The following VPS13D variants were observed in gnomAD, a reference collection of about 807,000 sequenced individuals.
The protein encoded by VPS13D is intermembrane lipid transfer protein VPS13D.
In VPS13D, 187 loss-of-function variants were observed where a neutral mutation model predicts 461.9. That is an observed-to-expected ratio of 0.40 (90% confidence interval 0.36 to 0.46). The LOEUF (loss-of-function observed/expected upper bound fraction) is 0.46, where lower values mean the gene tolerates loss of function less well. Among genes scored for constraint, VPS13D ranks in the 20% least tolerant of loss-of-function variants. The pLI is 0.60. For synonymous variants in VPS13D, 1,951 were observed against 1,986.3 expected (o/e 0.98, Z 0.47); for missense variants, 4,711 against 5,364.9 (o/e 0.88, Z 3.81).
intron 67 of VPS13D, among the ~76,000 whole-genome samples, chr1:12,481,131 G>A (rs1645710136): frequency 6.6e-6 from 1 of 152,206 alleles, no homozygotes; most frequent in South Asian, 2.1e-4. Context: ...AAGCATGACA[G>A]GAAGTGGTGC....
intron 67 of VPS13D, among the ~76,000 whole-genome samples, chr1:12,490,683 A>G (rs1009689295): frequency 6.6e-6 from 1 of 151,650 alleles, no homozygotes; most frequent in Non-Finnish European, 1.5e-5. Flanking sequence ...GGTGGGAGCT[A>G]CAGGTCTGAG....
intron 67 of VPS13D, among the ~76,000 whole-genome samples, chr1:12,493,193 A>AG: frequency 6.6e-6 from 1 of 151,814 alleles, no homozygotes; most frequent in East Asian, 1.9e-4. Context: ...TAAAAAAAAA[A>AG]AAAAAAAAGG....
chr1:12,484,828 G>A lies in VPS13D; in HGVS notation c.12663-12672G>A, dbSNP rs192929466. ...TTACATGCTCCTTTTTGTTGAATCC[G>A]AATCTTTTTTTTTTTCTAATATGGA... On this transcript the variant is annotated intron_variant, in intron 67 of 69. Coordinates refer to ENST00000620676, the MANE Select transcript of VPS13D (RefSeq NM_015378.4). 1.7e-3 allele frequency among the ~76,000 whole-genome samples: 260 copies of A among 152,182 alleles called. 4 individuals carry two copies. The highest frequency in any genetic ancestry group is 6.0e-3 in the African/African-American group (250 of 41,526).
chr1:12,396,889 G>T (rs2101675057), intron 60 of VPS13D, among the ~76,000 whole-genome samples: 1 of 152,214 alleles, frequency 6.6e-6, no homozygotes, highest in Admixed American at 6.5e-5. Flanking sequence ...CTGTTCATTA[G>T]TTTCCTTAAC....
chr1:12,457,092 C>G (rs1645340073), intron 66 of VPS13D, among the ~76,000 whole-genome samples: 1 of 152,200 alleles, frequency 6.6e-6, no homozygotes, highest in Non-Finnish European at 1.5e-5. Context: ...TCTTTTAATG[C>G]TTTAATTCTG....
chr1:12,479,342 C>T (rs1031277726), intron 67 of VPS13D, among the ~76,000 whole-genome samples: 12 of 152,206 alleles, frequency 7.9e-5, no homozygotes, highest in African/African-American at 2.9e-4. Context: ...TGTGCTTTGT[C>T]CATGGTGTCC....
chr1:12,454,868 GT>G (rs1645305608), intron 65 of VPS13D, among the ~76,000 whole-genome samples: 1 of 152,156 alleles, frequency 6.6e-6, no homozygotes, highest in Non-Finnish European at 1.5e-5. Flanking sequence ...TAAACCACTT[GT>G]TTTGGTAGAT....
chr1:12,370,915 G>T (rs914510058), intron 54 of VPS13D, among the ~76,000 whole-genome samples: 2 of 152,182 alleles, frequency 1.3e-5, no homozygotes, highest in African/African-American at 2.4e-5. Flanking sequence ...TGGAATCTTG[G>T]TGTGCAGAAT....
chr1:12,249,347 T>A lies in VPS13D; in HGVS notation c.564+8T>A, dbSNP rs775596233. The stretch of plus-strand genomic sequence containing the variant: ...AATGCTGTGAATGAGCCTGTGAGTA[T>A]GAAATGTGATGACAAAGCAGGAAGA... On this transcript the variant is annotated splice_region_variant and intron_variant, in intron 6 of 69. Coordinates refer to ENST00000620676, the MANE Select transcript of VPS13D (RefSeq NM_015378.4). 47 of 1,598,802 alleles carry A rather than the reference T, an allele frequency of 2.9e-5. No homozygotes were observed. In the Middle Eastern group the frequency reaches 6.6e-4, roughly 22 times the overall value.
chr1:12,393,428 G>A (rs1057244324), intron 60 of VPS13D, among the ~76,000 whole-genome samples: 35 of 152,226 alleles, frequency 2.3e-4, no homozygotes, highest in African/African-American at 8.4e-4. Context: ...AAAGGCATTT[G>A]CCAAGTCAGT....
intron 24 of VPS13D, among the ~76,000 whole-genome samples, chr1:12,296,977 G>T (rs1642297272): frequency 6.6e-6 from 1 of 152,172 alleles, no homozygotes; most frequent in South Asian, 2.1e-4. Flanking sequence ...CAAGTAGGAG[G>T]TTAAAGGAAT....
At chr1:12,406,445 A>G (rs1342610165) in intron 63 of VPS13D, among the ~76,000 whole-genome samples, 1 of 152,164 alleles carries the variant, frequency 6.6e-6, no homozygotes, top group East Asian at 1.9e-4. Flanking sequence ...TTTGGTATTG[A>G]AGGAATAATT....
In VPS13D at chr1:12,440,827, G is replaced by A. The variant is rs1315538382; in HGVS notation, c.12334-15171G>A. Among the ~76,000 whole-genome samples, 5 of 149,118 alleles carry A rather than the reference G, an allele frequency of 3.4e-5. No homozygotes were observed. In the East Asian group the frequency reaches 9.6e-4, roughly 29 times the overall value. ...GGAGGCAGAGGTTGCAGTGAGCTGAGATCGTGCCACTGCACTCCAGCCTGG... is the reference window on the plus strand; with the variant it reads ...GGAGGCAGAGGTTGCAGTGAGCTGAAATCGTGCCACTGCACTCCAGCCTGG... On this transcript the variant is annotated intron_variant, in intron 65 of 69. Coordinates refer to ENST00000620676, the MANE Select transcript of VPS13D (RefSeq NM_015378.4).
chr1:12,461,037 A>C (rs2100417796), intron 67 of VPS13D, among the ~76,000 whole-genome samples: 1 of 152,280 alleles, frequency 6.6e-6, no homozygotes, highest in Admixed American at 6.5e-5. Context: ...TATGGTTCCA[A>C]ACCCCACAGA....
intron 67 of VPS13D, among the ~76,000 whole-genome samples, chr1:12,481,290 G>A (rs1570257403): frequency 6.6e-6 from 1 of 152,162 alleles, no homozygotes; most frequent in South Asian, 2.1e-4. Context: ...AGTAGAAAAG[G>A]CACATAGTGT....
rs1569905787 is a variant in VPS13D, at chr1:12,323,737, A to T, written c.7947A>T (p.Gly2649=). 5.0e-6 allele frequency: 8 copies of T among 1,614,030 alleles called. No homozygotes were observed. The highest frequency in any genetic ancestry group is 6.8e-6 in the Non-Finnish European group (8 of 1,179,972). ...ELQLARLQEL[G]FSMDDCRKAL... ...AGCTGGCTAGGCTGCAGGAGCTGGGATTCAGCATGGATGATTGTCGCAAAG... is the reference window on the plus strand; with the variant it reads ...AGCTGGCTAGGCTGCAGGAGCTGGGTTTCAGCATGGATGATTGTCGCAAAG... Residue 2649 remains glycine (G), a synonymous_variant, in exon 35 of 70, where the codon GGA becomes GGT. Transcript: ENST00000620676.
rs559592050 is a variant in VPS13D at position 12,502,987 on chromosome 1, C to T, written c.12795-3866C>T. 4.2e-4 allele frequency among the ~76,000 whole-genome samples: 64 copies of T among 152,286 alleles called. 1 individual carries two copies. The Middle Eastern group carries it at 0.014, about 32-fold the overall frequency. On this transcript the variant is annotated intron_variant, in intron 68 of 69. Transcript: ENST00000620676. The surrounding 1 kb of genome is among the most constrained non-coding windows in gnomAD (Gnocchi z 4.3). ...GGGAAGCTCTGGGCAAAGTGAGAGG[C>T]GGAGACGACTGGCATCAGGGTGGCT... is the stretch of plus-strand genomic sequence containing the variant.
At chr1:12,288,053 G>A (rs922436808) in intron 21 of VPS13D, among the ~76,000 whole-genome samples, 170 bp from the exon 22 acceptor site, 1 of 152,214 alleles carries the variant, frequency 6.6e-6, no homozygotes, top group African/African-American at 2.4e-5. Flanking sequence ...CTGTCCTCAG[G>A]TCGTGGTTTC....
chr1:12,477,674 TCTC>T (rs1321510123), intron 67 of VPS13D, among the ~76,000 whole-genome samples: 1 of 152,142 alleles, frequency 6.6e-6, no homozygotes, highest in Non-Finnish European at 1.5e-5. Flanking sequence ...CTTGGGACCT[TCTC>T]CTATTTGATT....
Sources: allele counts gnomAD v4.1 joint callset (sites outside exome capture counted in the v4.1 genomes callset), GRCh38; gene constraint gnomAD v4.1.1; non-coding constraint Gnocchi (gnomAD v3.1); transcripts MANE v1.5; gene names NCBI Gene and HGNC (gene_info 2026-07-23, HGNC 2026-07-21).